KALRN: variants seen among roughly 807,000 people sequenced by gnomAD.
KALRN encodes the protein kalirin RhoGEF kinase.
In KALRN, 70 loss-of-function variants were observed where a neutral mutation model predicts 353.7. That is an observed-to-expected ratio of 0.20 (90% CI 0.16 to 0.24). The LOEUF is 0.24. Ranked by LOEUF, KALRN falls within the 10% of genes least tolerant of loss-of-function variation. KALRN has a pLI of 1.00. For missense variants in KALRN, 2,791 were observed against 3,756.7 expected, an observed-to-expected ratio of 0.74 and a Z score of 6.72; for synonymous variants, 1,391 against 1,434.8, an observed-to-expected ratio of 0.97 and a Z score of 0.69.
intron 3 of KALRN, among the ~76,000 whole-genome samples, chr3:124,260,812 A>T (rs1328037165): frequency 1.3e-5 from 2 of 151,834 alleles, no homozygotes; most frequent in Non-Finnish European, 2.9e-5. Context: ...TAATCACTTG[A>T]ACTTTCTCAA....
intron 1 of KALRN, among the ~76,000 whole-genome samples, chr3:124,067,804 C>G (rs1221284594): frequency 6.6e-6 from 1 of 152,230 alleles, no homozygotes; most frequent in African/African-American, 2.4e-5. Context: ...GGGAGCCACT[C>G]ACCAGTTATC....
At chr3:124,121,036 G>A (rs1037062129) in intron 1 of KALRN, among the ~76,000 whole-genome samples, 1 of 142,556 alleles carries the variant, frequency 7.0e-6, no homozygotes. Flanking sequence ...AGATGTTGCA[G>A]TGAGCCAAGA....
intron 1 of KALRN, among the ~76,000 whole-genome samples, chr3:124,105,364 CT>C (rs1326970020): frequency 6.6e-6 from 1 of 152,042 alleles, no homozygotes; most frequent in Non-Finnish European, 1.5e-5. Flanking sequence ...GTTTGTGTTT[CT>C]AGGGGGAAGT....
At position 124,192,728 on chromosome 3, in the gene KALRN, C is replaced by T. The variant is rs118057699; in HGVS notation, c.74-35262C>T. Among the ~76,000 whole-genome samples, 10 of 152,282 alleles carry T rather than the reference C, an allele frequency of 6.6e-5. No homozygotes were observed. In the East Asian group the frequency reaches 1.7e-3, roughly 26 times the overall value. On this transcript the variant is annotated intron_variant, in intron 1 of 59. Coordinates refer to ENST00000682506, the MANE Select transcript of KALRN (RefSeq NM_001388419.1). ...AAGAGATACCATGGATGTGTGTGCA[C>T]AGAGGAGAGGCTGTAGAAGGACACA...
chr3:124,661,528 A>G (rs2150231940), intron 44 of KALRN, among the ~76,000 whole-genome samples: 1 of 152,358 alleles, frequency 6.6e-6, no homozygotes, highest in Non-Finnish European at 1.5e-5. Flanking sequence ...GGCAGCCAGG[A>G]AGCAACAGAG....
At chr3:124,546,333 T>C (rs1252614024) in intron 33 of KALRN, among the ~76,000 whole-genome samples, 1 of 150,262 alleles carries the variant, frequency 6.7e-6, no homozygotes, top group African/African-American at 2.4e-5. Flanking sequence ...TATAGTGGCA[T>C]GTACCTTGTA....
At chr3:124,520,960 T>C (rs2067113658) in intron 33 of KALRN, among the ~76,000 whole-genome samples, 1 of 152,194 alleles carries the variant, frequency 6.6e-6, no homozygotes, top group Non-Finnish European at 1.5e-5. Flanking sequence ...AATCCATGCT[T>C]TTCCAGGTCA....
intron 33 of KALRN, among the ~76,000 whole-genome samples, chr3:124,550,738 C>A (rs1218165744): frequency 6.6e-6 from 1 of 152,210 alleles, no homozygotes; most frequent in Middle Eastern, 3.4e-3. Flanking sequence ...GCCTGTAATC[C>A]CAGCACTTTG....
At chr3:124,517,468 C>T (rs2066746878) in intron 33 of KALRN, among the ~76,000 whole-genome samples, 1 of 152,206 alleles carries the variant, frequency 6.6e-6, no homozygotes, top group Non-Finnish European at 1.5e-5. Context: ...TGAGATTATA[C>T]TCTGGAATTG....
At chr3:124,621,960 C>T (rs762710658) in intron 34 of KALRN, among the ~76,000 whole-genome samples, 14 of 152,196 alleles carry the variant, frequency 9.2e-5, no homozygotes, top group African/African-American at 2.2e-4. Flanking sequence ...CCTCCCATTA[C>T]GTGCCCTTCT....
intron 10 of KALRN, among the ~76,000 whole-genome samples, chr3:124,382,722 T>C (rs2087578573): frequency 6.6e-6 from 1 of 152,228 alleles, no homozygotes; most frequent in Admixed American, 6.5e-5. Context: ...GGGGGAATCC[T>C]GAGACTCTTT....
At chr3:124,060,888 C>A (rs1215431295) in intron 1 of KALRN, among the ~76,000 whole-genome samples, 1 of 152,132 alleles carries the variant, frequency 6.6e-6, no homozygotes, top group African/African-American at 2.4e-5. Context: ...GGCCTGGGGC[C>A]CCAGTGGTTG....
Position 124,335,773 on chromosome 3 carries a change from T to A in KALRN, c.1647+1278T>A, listed in dbSNP as rs532235567. On this transcript the variant is annotated intron_variant, in intron 9 of 59. Transcript: ENST00000682506. ...TACCGTGTAACTCCAGGATTATACA[T>A]ATAAAATAACAATTCACTCTCCTTT... Among the ~76,000 whole-genome samples, 6 of 152,322 alleles carry A rather than the reference T, an allele frequency of 3.9e-5. No individual in the cohort carries two copies. The East Asian group carries it at 1.2e-3, about 29-fold the overall frequency.
chr3:124,693,226 G>A (rs1399080855), intron 51 of KALRN, among the ~76,000 whole-genome samples: 3 of 151,798 alleles, frequency 2.0e-5, no homozygotes, highest in Admixed American at 1.3e-4. Context: ...AGAGACAGAC[G>A]ACTTCTCTTA....
rs146627148 is a variant in KALRN at position 124,636,491 on chromosome 3, A to G, written c.5569-717A>G. Among the ~76,000 whole-genome samples the G allele has an allele frequency of 2.3e-3, 343 of 152,286 alleles. 2 individuals are homozygous for G. Among genetic ancestry groups the G allele is most frequent in the African/African-American group, 7.7e-3 (318 of 41,564 alleles). On this transcript the variant is annotated intron_variant, in intron 36 of 59. Coordinates refer to ENST00000682506, the MANE Select transcript of KALRN (RefSeq NM_001388419.1). The stretch of plus-strand genomic sequence containing the variant: ...GGTCCTGGAGTCGTCTCTCTTTACT[A>G]TGAACAGGGTAGTTCCTAGCTGCTT...
intron 1 of KALRN, among the ~76,000 whole-genome samples, chr3:124,073,896 G>A (rs1442560597): frequency 6.6e-6 from 1 of 152,082 alleles, no homozygotes. Flanking sequence ...TCTCCATCAA[G>A]GCACTGATCT....
intron 17 of KALRN, among the ~76,000 whole-genome samples, chr3:124,435,361 G>A (rs1295860014): frequency 1.3e-5 from 2 of 152,186 alleles, no homozygotes; most frequent in South Asian, 2.1e-4. Context: ...GGGAGAAAAG[G>A]CAGGAGCTGG....
At chr3:124,528,852 T>C (rs1209122185) in intron 33 of KALRN, among the ~76,000 whole-genome samples, 1 of 152,212 alleles carries the variant, frequency 6.6e-6, no homozygotes, top group Non-Finnish European at 1.5e-5. Context: ...TATGTGGCTA[T>C]GAGAAATCAA....
At chr3:124,070,283 GT>G (rs1264233043) in intron 1 of KALRN, among the ~76,000 whole-genome samples, 1 of 152,178 alleles carries the variant, frequency 6.6e-6, no homozygotes, top group African/African-American at 2.4e-5. Context: ...TCTGCTCTGA[GT>G]ACCAAGCTCA....
Sources: gnomAD v4.1 joint callset for allele counts (sites outside exome capture counted in the v4.1 genomes callset) on GRCh38, gnomAD v4.1.1 for gene constraint, MANE v1.5 for transcripts, NCBI Gene and HGNC (gene_info 2026-07-23, HGNC 2026-07-21) for gene names.